The following MACF1 variants were observed in gnomAD, a reference collection of about 807,000 sequenced individuals.
MACF1 encodes the protein microtubule actin crosslinking factor 1.
Under a neutral mutation model 854.8 loss-of-function variants are expected in MACF1, and 193 were observed. The ratio of observed to expected loss-of-function variants is 0.23; its 90% CI spans 0.20 to 0.25. MACF1 has a LOEUF of 0.25. Among genes scored for constraint, MACF1 ranks in the 10% least tolerant of loss-of-function variants. MACF1 has a pLI of 1.00. For missense variants in MACF1, 7,722 were observed against 8,929.1 expected (o/e 0.86, Z 5.45); for synonymous variants, 3,185 against 3,226.7 (o/e 0.99, Z 0.44).
rs1161746205 is a variant in MACF1 at position 39,424,212 on chromosome 1, T to C, written c.16316+18T>C. Reference sequence around the variant, plus strand: ...GCAGCCAGGTAAGATCAAAGGAATTTTGAGGAGTGGGTCAGAGGTTTGTTT... The same window carrying C: ...GCAGCCAGGTAAGATCAAAGGAATTCTGAGGAGTGGGTCAGAGGTTTGTTT... On this transcript the variant is annotated intron_variant, in intron 61 of 100. Coordinates refer to ENST00000564288, the MANE Select transcript of MACF1 (RefSeq NM_001394062.1). 2 of 1,608,284 alleles carry C rather than the reference T, an allele frequency of 1.2e-6. No individual in the cohort carries two copies. Among genetic ancestry groups the C allele is most frequent in the Non-Finnish European group, 1.7e-6 (2 of 1,176,114 alleles).
chr1:39,250,008 T>C lies in MACF1; in HGVS notation c.172-6T>C. 4 of 1,586,620 alleles carry C rather than the reference T, an allele frequency of 2.5e-6. No homozygotes were observed. The highest frequency in any genetic ancestry group is 3.5e-6 in the Non-Finnish European group (4 of 1,158,006). The stretch of plus-strand genomic sequence containing the variant: ...AAAAATCTGTCTGTTTCACTCTCAT[T>C]CACAGGTCCGCAAGCACATCAATGA... On this transcript the variant is annotated splice_region_variant and splice_polypyrimidine_tract_variant and intron_variant, in intron 2 of 100. Transcript: ENST00000564288.
At chr1:39,233,235 C>T (rs760996587) in intron 2 of MACF1, among the ~76,000 whole-genome samples, 60 of 152,038 alleles carry the variant, frequency 3.9e-4, no homozygotes, top group Non-Finnish European at 7.1e-4. Context: ...GGTTTCTCCA[C>T]GTTAGTCAGG....
At chr1:39,301,808 A>G (rs977227905) in intron 22 of MACF1, among the ~76,000 whole-genome samples, 1 of 152,114 alleles carries the variant, frequency 6.6e-6, no homozygotes, top group African/African-American at 2.4e-5. Context: ...GAAAAAGCCG[A>G]AACTCCTTAA....
chr1:39,249,914 A>G, intron 2 of MACF1, 100 bp from the exon 3 acceptor site: 1 of 608,672 alleles, frequency 1.6e-6, no homozygotes, highest in Admixed American at 2.8e-5. Flanking sequence ...CCACTTTTAA[A>G]TTCTTTAATT....
At chr1:39,285,535 T>C (rs1391566563) in intron 13 of MACF1, 69 bp from the exon 14 acceptor site, 3 of 1,546,904 alleles carry the variant, frequency 1.9e-6, no homozygotes, top group Non-Finnish European at 2.6e-6. Flanking sequence ...GTAGACTTCT[T>C]GGCTCCCTCT....
intron 97 of MACF1, among the ~76,000 whole-genome samples, chr1:39,474,950 A>T (rs1236036119): frequency 6.6e-6 from 1 of 152,116 alleles, no homozygotes; most frequent in Non-Finnish European, 1.5e-5. Flanking sequence ...AAGTAAGGGG[A>T]CAAGTAGTCC....
At chr1:39,111,004 C>T (rs2148144135) in intron 2 of MACF1, among the ~76,000 whole-genome samples, 1 of 152,190 alleles carries the variant, frequency 6.6e-6, no homozygotes, top group South Asian at 2.1e-4. Context: ...GTCTTTACTC[C>T]TTTTTCTAAG....
At chr1:39,441,684 G>A (rs1441891930) in intron 74 of MACF1, among the ~76,000 whole-genome samples, 2 of 152,150 alleles carry the variant, frequency 1.3e-5, no homozygotes, top group Non-Finnish European at 2.9e-5. Context: ...TGCTAGCTGG[G>A]ATTGAAAAAT....
At chr1:39,211,809 A>G (rs1644520677) in intron 1 of MACF1, among the ~76,000 whole-genome samples, 1 of 151,950 alleles carries the variant, frequency 6.6e-6, no homozygotes. Flanking sequence ...TGAACCCGAG[A>G]GGCAGAGGTT....
At position 39,422,912 on chromosome 1, in the gene MACF1, T is replaced by G; in HGVS notation, c.16149+12T>G. ...TCCAAGAACAGAAGGTAAGTGAGAA[T>G]GTTGGGACAGTGAACTGTAACAGCC... On this transcript the variant is annotated intron_variant, in intron 60 of 100. Transcript: ENST00000564288. The G allele has an allele frequency of 6.2e-7, 1 of 1,612,530 alleles. No homozygotes were observed. The highest frequency in any genetic ancestry group is 8.5e-7 in the Non-Finnish European group (1 of 1,178,616).
Position 39,271,148 on chromosome 1 carries a change from A to G in MACF1, c.529-11060A>G, listed in dbSNP as rs565835016. 2.0e-5 allele frequency among the ~76,000 whole-genome samples: 3 copies of G among 152,340 alleles called. No homozygotes were observed. In the East Asian group the frequency reaches 5.8e-4, roughly 29 times the overall value. On this transcript the variant is annotated intron_variant, in intron 6 of 100. Transcript: ENST00000564288. ...TTAAGCTATTCTTGCATTGCTATAAATAAATACCTGAGACTGGGTAATTTA... is the reference window on the plus strand; with the variant it reads ...TTAAGCTATTCTTGCATTGCTATAAGTAAATACCTGAGACTGGGTAATTTA...
rs897901463 is a variant in MACF1 at position 39,291,965 on chromosome 1, T to G, written c.1841T>G (p.Leu614Arg). The change falls in exon 16 of 101, where the codon CTA (leucine) becomes CGA (arginine). Residue 614 changes from leucine (L) to arginine (R), a missense_variant. Leu to Arg is a moderately radical substitution (Grantham distance 102). Around this residue, in one of 15 missense-constraint regions of MACF1, gnomAD observed 1,137 missense variants for 1,263.0 expected, o/e 0.90. Transcript: ENST00000564288. Reference sequence around the variant, plus strand: ...GACCTGCCTAGTGTGGAGTTGCAGCTAGAAACACAGCAGCACATCCATACG... The same window carrying G: ...GACCTGCCTAGTGTGGAGTTGCAGCGAGAAACACAGCAGCACATCCATACG... ...GNDLPSVELQ[L>R]ETQQHIHTSV... 3 of 1,613,952 alleles carry G rather than the reference T, an allele frequency of 1.9e-6. No homozygotes were observed. Among genetic ancestry groups the G allele is most frequent in the Non-Finnish European group, 2.5e-6 (3 of 1,180,030 alleles).
chr1:39,189,539 G>C (rs1453975915), intron 2 of MACF1, among the ~76,000 whole-genome samples: 1 of 152,214 alleles, frequency 6.6e-6, no homozygotes, highest in African/African-American at 2.4e-5. Flanking sequence ...CACAAACCCT[G>C]TGGTTCATTC....
At chr1:39,454,350 C>T (rs1251761956) in intron 88 of MACF1, among the ~76,000 whole-genome samples, 1 of 152,112 alleles carries the variant, frequency 6.6e-6, no homozygotes, top group Non-Finnish European at 1.5e-5. Context: ...TTTTAGTATC[C>T]ACAGGTGGTA....
chr1:39,385,981 G>A lies in MACF1; in HGVS notation c.14344+52G>A, dbSNP rs748298685. ...TGCCATTATTAGAGGCAAGCAGAAA[G>A]AAGGAATGGGTTAGGAGTAGTCCCA... On this transcript the variant is annotated intron_variant, in intron 57 of 100. Transcript: ENST00000564288. The A allele has an allele frequency of 1.4e-5, 21 of 1,543,184 alleles. No individual in the cohort carries two copies. The South Asian group carries it at 2.3e-4, about 17-fold the overall frequency.
rs1302750838 is a variant in MACF1 at position 39,349,437 on chromosome 1, G to A, written c.10816-41G>A. 5 of 1,560,224 alleles carry A rather than the reference G, an allele frequency of 3.2e-6. No individual in the cohort carries two copies. The South Asian group carries it at 4.8e-5, about 15-fold the overall frequency. On this transcript the variant is annotated intron_variant, in intron 41 of 100. Transcript: ENST00000564288. ...GGAGTTTCTTGTATTTGCAAAATGT[G>A]AATTACGAAATGTCTCTTGACCCCT...
chr1:39,333,336 G>A lies in MACF1; in HGVS notation c.6748G>A (p.Ala2250Thr), dbSNP rs201991624. 2.7e-5 allele frequency: 44 copies of A among 1,614,088 alleles called. No individual in the cohort carries two copies. The East Asian group carries it at 5.6e-4, about 20-fold the overall frequency. The part of the protein sequence containing the change: ...HKESQEAQNI[A>T]GGSMMMSEKT... ...AGAAAGTCAAGAAGCACAGAACATC[G>A]CAGGTGGTAGTATGATGATGTCAGA... Residue 2250 changes from alanine (A) to threonine (T), a missense_variant, in exon 37 of 101, where the codon GCA becomes ACA. By Grantham distance (58) the Ala-to-Thr change is moderately conservative. This residue lies in a region of MACF1 where 1,531 missense variants were observed against 1,601.6 expected (regional missense o/e 0.96). Transcript: ENST00000564288.
Position 39,370,158 on chromosome 1 carries a change from A to T in MACF1, c.13067A>T (p.Glu4356Val), listed in dbSNP as rs151333396. The change falls in exon 51 of 101, where the codon GAG becomes GTG. Residue 4356 changes from glutamate to valine, a missense_variant. Coordinates refer to ENST00000564288, the MANE Select transcript of MACF1 (RefSeq NM_001394062.1). ...PPTETSMSAK[E>V]LEKQIEHLKS... ...ACGGAAACTTCTATGAGTGCTAAAG[A>T]GTTAGAAAAGCAGATTGAACACCTG... 3.4e-5 allele frequency: 55 copies of T among 1,612,314 alleles called. No individual in the cohort carries two copies. In the African/African-American group the frequency reaches 7.1e-4, roughly 21 times the overall value.
rs779027141 is a variant in MACF1, at chr1:39,439,245, A to C, written c.18221-29A>C. The C allele has an allele frequency of 2.8e-6, 4 of 1,405,820 alleles. No homozygotes were observed. The South Asian group carries it at 4.6e-5, about 16-fold the overall frequency. The allele number at this position is 1,405,820 out of a possible 1,614,324, so 87.1% of individuals were successfully genotyped here. On this transcript the variant is annotated intron_variant, in intron 71 of 100. Coordinates refer to ENST00000564288, the MANE Select transcript of MACF1 (RefSeq NM_001394062.1). ...AATTTCAGGCTCTTCAGAAAGTCCT[A>C]TTCATATCTCTTTTTTTAACCTCCT...
Sources: gnomAD v4.1 joint callset for allele counts (sites outside exome capture counted in the v4.1 genomes callset) on GRCh38, gnomAD v4.1.1 for gene constraint, gnomAD v4.1.1 regional missense constraint, MANE v1.5 for transcripts, NCBI Gene and HGNC (gene_info 2026-07-23, HGNC 2026-07-21) for gene names.